Variants in TRPC5OS observed in about 807,000 individuals in gnomAD.
The protein encoded by TRPC5OS is putative uncharacterized protein TRPC5OS.
For missense variants in TRPC5OS, 64 were observed against 79.3 expected, an observed-to-expected ratio of 0.81 and a Z score of 0.73; for synonymous variants, 30 against 29.3, an observed-to-expected ratio of 1.02 and a Z score of -0.08.
chrX:111,895,759 G>A (rs1925033502), intron 1 of TRPC5OS, among the ~76,000 whole-genome samples, 192 bp from the exon 2 acceptor site: 1 of 111,211 alleles, frequency 9.0e-6, no homozygotes, highest in Non-Finnish European at 1.9e-5. Context: ...AATTTCTCTA[G>A]CTCTGTAACT....
At chrX:111,879,084 T>C (rs1325188716) in intron 1 of TRPC5OS, among the ~76,000 whole-genome samples, 1 of 112,217 alleles carries the variant, frequency 8.9e-6, no homozygotes, top group East Asian at 2.8e-4. Flanking sequence ...AAGGGAAGTA[T>C]TTATGAATTT....
intron 1 of TRPC5OS, among the ~76,000 whole-genome samples, chrX:111,886,131 A>G (rs898063904): frequency 2.7e-5 from 3 of 111,321 alleles, no homozygotes; most frequent in Middle Eastern, 4.7e-3. Flanking sequence ...AATATAAAAA[A>G]TAGTTGGGCA....
intron 1 of TRPC5OS, among the ~76,000 whole-genome samples, chrX:111,892,705 A>G (rs183096849): frequency 3.4e-4 from 38 of 111,749 alleles, no homozygotes; most frequent in Non-Finnish European, 6.8e-4. Context: ...GTTCCCTCAC[A>G]TTTTTACCCA....
chrX:111,892,997 A>G (rs772879498), intron 1 of TRPC5OS, among the ~76,000 whole-genome samples: 2 of 111,099 alleles, frequency 1.8e-5, no homozygotes, highest in East Asian at 5.7e-4. Flanking sequence ...CATTATCTTC[A>G]TCTTACAGAT....
At chrX:111,895,365 T>A (rs1393335409) in intron 1 of TRPC5OS, among the ~76,000 whole-genome samples, 7 of 112,080 alleles carry the variant, frequency 6.2e-5, no homozygotes, top group Admixed American at 5.7e-4. Flanking sequence ...TTATATTTTT[T>A]AAAAATTAGA....
rs1394550197 is a variant in TRPC5OS at position 111,902,281 on chromosome X, T to G, written c.*96T>G. On this transcript the variant is annotated 3_prime_UTR_variant, in exon 4 of 4. Coordinates refer to ENST00000635763, the MANE Select transcript of TRPC5OS (RefSeq NM_001195578.2). ...TTCTGTATATTAGCAATATGTGTTT[T>G]CTCATAGTTCTGCACATTTTCATTA... The G allele has an allele frequency of 1.8e-6, 1 of 562,667 alleles. No individual in the cohort carries two copies. The highest frequency in any genetic ancestry group is 2.6e-6 in the Non-Finnish European group (1 of 377,734). 46.4% of individuals were successfully genotyped at this position (562,667 alleles called of 1,213,427 possible). A position where few individuals can be genotyped will look rare whatever the true frequency, so the allele number is the denominator to read the frequency against.
In TRPC5OS at chrX:111,890,894, C is replaced by T. The variant is rs189538457; in HGVS notation, c.-545-5057C>T. Among the ~76,000 whole-genome samples the T allele has an allele frequency of 2.2e-3, 240 of 110,851 alleles. 1 individual carries two copies. The highest frequency in any genetic ancestry group is 7.7e-3 in the African/African-American group (233 of 30,438). Reference sequence around the variant, plus strand: ...CCACCCTCGACCCTCTGATAGGCCCCAGTGTGTGTTGTTCTCCTTTATGTG... The same window carrying T: ...CCACCCTCGACCCTCTGATAGGCCCTAGTGTGTGTTGTTCTCCTTTATGTG... On this transcript the variant is annotated intron_variant, in intron 1 of 3. Coordinates refer to ENST00000635763, the MANE Select transcript of TRPC5OS (RefSeq NM_001195578.2).
intron 1 of TRPC5OS, among the ~76,000 whole-genome samples, chrX:111,883,303 A>G (rs1924318877): frequency 8.9e-6 from 1 of 112,461 alleles, no homozygotes. Context: ...AGTTCTAGTC[A>G]GCCCAACTGG....
chrX:111,886,444 TGC>T (rs1924498950), intron 1 of TRPC5OS, among the ~76,000 whole-genome samples: 1 of 112,438 alleles, frequency 8.9e-6, no homozygotes, highest in Admixed American at 9.4e-5. Context: ...AGATTATGCT[TGC>T]ATTGACACTT....
chrX:111,882,344 G>A (rs1339060622), intron 1 of TRPC5OS, among the ~76,000 whole-genome samples: 1 of 112,316 alleles, frequency 8.9e-6, no homozygotes, highest in Non-Finnish European at 1.9e-5. Context: ...GTTGCAGTAT[G>A]GTAAGGTAGG....
chrX:111,890,334 T>G (rs368043268), intron 1 of TRPC5OS, among the ~76,000 whole-genome samples: 5 of 112,119 alleles, frequency 4.5e-5, no homozygotes, highest in African/African-American at 1.6e-4. Flanking sequence ...TTTCACAGTT[T>G]TCTTTAGCTC....
At chrX:111,898,105 A>G (rs1285086648) in intron 3 of TRPC5OS, among the ~76,000 whole-genome samples, 1 of 109,253 alleles carries the variant, frequency 9.2e-6, no homozygotes, top group African/African-American at 3.3e-5. Flanking sequence ...TCTTAGTGTG[A>G]TGTCAATTTG....
chrX:111,887,493 AC>A (rs1393093858), intron 1 of TRPC5OS, among the ~76,000 whole-genome samples: 1 of 112,186 alleles, frequency 8.9e-6, no homozygotes, highest in Non-Finnish European at 1.9e-5. Flanking sequence ...CTCAAGGACT[AC>A]AGGCTTTGCA....
intron 1 of TRPC5OS, among the ~76,000 whole-genome samples, chrX:111,889,258 A>T (rs1348478548): frequency 9.0e-6 from 1 of 111,452 alleles, no homozygotes; most frequent in Non-Finnish European, 1.9e-5. Context: ...AATTGGATTT[A>T]GCAATGCAGA....
intron 1 of TRPC5OS, among the ~76,000 whole-genome samples, chrX:111,890,593 A>C (rs1283801165): frequency 1.8e-5 from 2 of 112,012 alleles, no homozygotes; most frequent in Non-Finnish European, 3.8e-5. Flanking sequence ...TCTTGCTGAT[A>C]TCTTAACACT....
chrX:111,876,724 TTTAC>T (rs1328272815), intron 1 of TRPC5OS, among the ~76,000 whole-genome samples: 1 of 111,748 alleles, frequency 8.9e-6, no homozygotes, highest in Non-Finnish European at 1.9e-5. Flanking sequence ...CCTGGCAATA[TTTAC>T]TTTCCTTAAC....
chrX:111,886,310 C>T (rs909289592), intron 1 of TRPC5OS, among the ~76,000 whole-genome samples: 4 of 112,073 alleles, frequency 3.6e-5, no homozygotes, highest in Non-Finnish European at 5.6e-5. Context: ...TTCTTCCATC[C>T]GGCCTACTTC....
intron 1 of TRPC5OS, among the ~76,000 whole-genome samples, chrX:111,881,317 C>A (rs1441367737): frequency 9.1e-6 from 1 of 110,459 alleles, no homozygotes; most frequent in Non-Finnish European, 1.9e-5. Flanking sequence ...GCTGGGACTA[C>A]AGGCACGCGC....
intron 1 of TRPC5OS, among the ~76,000 whole-genome samples, chrX:111,892,867 C>T: frequency 9.0e-6 from 1 of 111,633 alleles, no homozygotes; most frequent in Non-Finnish European, 1.9e-5. Flanking sequence ...ATACTATTTC[C>T]TAGATCCTGG....
Sources: allele counts gnomAD v4.1 joint callset (sites outside exome capture counted in the v4.1 genomes callset), GRCh38; gene constraint gnomAD v4.1.1; transcripts MANE v1.5; gene names NCBI Gene and HGNC (gene_info 2026-07-23, HGNC 2026-07-21).